Variants in THBS4 observed in about 807,000 individuals in gnomAD.
THBS4 encodes the protein thrombospondin-4.
THBS4 carries 90 observed loss-of-function variants against 115.7 expected under a neutral mutation model. The observed-to-expected ratio is 0.78, with a 90% CI of 0.66 to 0.93. THBS4 has a LOEUF of 0.93. Among genes scored for constraint, THBS4 ranks in the 40% least tolerant of loss-of-function variants. THBS4 has a pLI of 0.00. For missense variants in THBS4, 1,087 were observed against 1,232.7 expected (o/e 0.88, Z 1.77); for synonymous variants, 460 against 479.3 (o/e 0.96, Z 0.53).
intron 2 of THBS4, among the ~76,000 whole-genome samples, chr5:80,003,698 C>T (rs557534614): frequency 6.6e-6 from 1 of 152,368 alleles, no homozygotes; most frequent in South Asian, 2.1e-4. Flanking sequence ...AACTACTCCC[C>T]TTTGGGGACA....
chr5:80,007,676 T>C (rs907278167), intron 2 of THBS4, among the ~76,000 whole-genome samples: 66 of 152,326 alleles, frequency 4.3e-4, no homozygotes, highest in African/African-American at 1.5e-3. Context: ...TGAATAGAAC[T>C]GTAGCCCAGA....
At chr5:80,010,496 T>C (rs1320286751) in intron 2 of THBS4, among the ~76,000 whole-genome samples, 1 of 152,192 alleles carries the variant, frequency 6.6e-6, no homozygotes, top group Non-Finnish European at 1.5e-5. Flanking sequence ...CTCATCCACA[T>C]GGTCAAAGCT....
At chr5:79,998,836 A>G (rs950056246) in intron 2 of THBS4, among the ~76,000 whole-genome samples, 2 of 152,246 alleles carry the variant, frequency 1.3e-5, no homozygotes, top group Non-Finnish European at 2.9e-5. Context: ...ATCTGCCTTC[A>G]TGGAACTTTG....
intron 2 of THBS4, among the ~76,000 whole-genome samples, chr5:80,000,999 T>A (rs1831887262): frequency 6.6e-6 from 1 of 152,300 alleles, no homozygotes; most frequent in East Asian, 1.9e-4. Context: ...TTAGATTTAT[T>A]CTTCGAGATA....
At chr5:80,023,484 T>C (rs538869593) in intron 2 of THBS4, among the ~76,000 whole-genome samples, 33 of 152,276 alleles carry the variant, frequency 2.2e-4, no homozygotes, top group African/African-American at 7.5e-4. Flanking sequence ...CCTAACAGAG[T>C]ATGCTCTACT....
intron 2 of THBS4, among the ~76,000 whole-genome samples, chr5:80,026,496 C>T (rs1417575883): frequency 6.6e-6 from 1 of 152,206 alleles, no homozygotes; most frequent in Non-Finnish European, 1.5e-5. Flanking sequence ...GTAACCTTTT[C>T]TGTAAAGGAC....
At chr5:80,029,191 C>T (rs1832538263) in intron 2 of THBS4, among the ~76,000 whole-genome samples, 1 of 152,124 alleles carries the variant, frequency 6.6e-6, no homozygotes, top group South Asian at 2.1e-4. Context: ...GTGTATTTTG[C>T]AAGTTTGTTT....
At chr5:80,042,947 T>G (rs1233060712) in intron 2 of THBS4, among the ~76,000 whole-genome samples, 1 of 151,930 alleles carries the variant, frequency 6.6e-6, no homozygotes, top group Non-Finnish European at 1.5e-5. Context: ...CACTTCAGCC[T>G]GGGTGACAGA....
Position 80,083,124 on chromosome 5 carries a change from G to C in THBS4, c.2869G>C (p.Asp957His), listed in dbSNP as rs146323134. The change falls in exon 22 of 22, where the codon GAC becomes CAC. Residue 957 changes from aspartate to histidine, a missense_variant. This residue lies in a region of THBS4 where 103 missense variants were observed against 108.2 expected (regional missense o/e 0.95). Coordinates refer to ENST00000350881, the MANE Select transcript of THBS4 (RefSeq NM_003248.6). ...DFQEFQTQNFDRFDN is the reference protein window; with the variant it reads ...DFQEFQTQNFHRFDN ...CCAAGAGTTTCAAACCCAGAATTTC[G>C]ACCGCTTCGATAATTAAACCAAGGA... 49 of 1,613,662 alleles carry C rather than the reference G, an allele frequency of 3.0e-5. No homozygotes were observed. The highest frequency in any genetic ancestry group is 3.6e-5 in the Non-Finnish European group (43 of 1,179,724).
In THBS4 at chr5:80,071,105, G is replaced by A; in HGVS notation, c.1645G>A (p.Val549Ile). Residue 549 changes from valine to isoleucine, a missense_variant, in exon 13 of 22, where the codon GTC becomes ATC. By Grantham distance (29) the Val-to-Ile change is conservative (BLOSUM62 3). This residue lies in a region of THBS4 where 979 missense variants were observed against 1,103.7 expected (regional missense o/e 0.89). Coordinates refer to ENST00000350881, the MANE Select transcript of THBS4 (RefSeq NM_003248.6). ...FGDACDNCLS[V>I]LNNDQKDTDG... ...GGATGCCTGTGATAACTGCCTGAGT[G>A]TCTTAAATAACGACCAGAAAGACAC... 1 of 1,610,944 alleles carries A rather than the reference G, an allele frequency of 6.2e-7. No individual in the cohort carries two copies. The highest frequency in any genetic ancestry group is 1.1e-5 in the South Asian group (1 of 90,080).
At chr5:80,078,547 C>A (rs1490743038) in intron 17 of THBS4, among the ~76,000 whole-genome samples, 3 of 152,170 alleles carry the variant, frequency 2.0e-5, no homozygotes, top group African/African-American at 4.8e-5. Context: ...CTGCCTTCTG[C>A]ATATCCTCCT....
chr5:80,023,814 T>C (rs991903340), intron 2 of THBS4, among the ~76,000 whole-genome samples: 5 of 152,118 alleles, frequency 3.3e-5, no homozygotes, highest in Non-Finnish European at 1.5e-5. Flanking sequence ...AGAGATCACA[T>C]GGTGGGAGGG....
At chr5:80,050,503 G>A (rs1833220861) in intron 2 of THBS4, among the ~76,000 whole-genome samples, 1 of 152,152 alleles carries the variant, frequency 6.6e-6, no homozygotes. Context: ...CCAGTGCAGG[G>A]TCTGCAAAAT....
At chr5:80,055,644 TCTCA>T (rs1833398266) in intron 2 of THBS4, 137 bp from the exon 3 acceptor site, 1 of 1,202,712 alleles carries the variant, frequency 8.3e-7, no homozygotes, top group Admixed American at 2.3e-5. Flanking sequence ...TGTGGTTATT[TCTCA>T]CTCACATTCC....
chr5:80,079,807 T>C (rs1344461297), intron 19 of THBS4, 98 bp from the exon 20 acceptor site: 6 of 1,314,758 alleles, frequency 4.6e-6, no homozygotes, highest in Non-Finnish European at 6.4e-6. Flanking sequence ...AGCCGGATTA[T>C]AACCATGACT....
At chr5:80,061,584 T>C (rs1833636236) in intron 7 of THBS4, 111 bp from the exon 8 acceptor site, 2 of 1,371,844 alleles carry the variant, frequency 1.5e-6, no homozygotes, top group Non-Finnish European at 9.8e-7. Flanking sequence ...TTTATTATTT[T>C]TTCCACCAAA....
chr5:79,991,929 C>G (rs1243115900), intron 1 of THBS4, among the ~76,000 whole-genome samples: 6 of 152,172 alleles, frequency 3.9e-5, no homozygotes, highest in Admixed American at 3.9e-4. Context: ...TAGCTACAGA[C>G]CTTTTGCCTT....
intron 7 of THBS4, among the ~76,000 whole-genome samples, chr5:80,060,407 T>C (rs1466895847): frequency 6.6e-6 from 1 of 152,078 alleles, no homozygotes; most frequent in Non-Finnish European, 1.5e-5. Context: ...AGGAGGCACA[T>C]CCAGCAAATA....
intron 21 of THBS4, among the ~76,000 whole-genome samples, 169 bp downstream of exon 21, chr5:80,082,714 C>CTAT (rs1376100622): frequency 1.3e-5 from 2 of 152,212 alleles, no homozygotes; most frequent in African/African-American, 2.4e-5. Context: ...CACATTTATC[C>CTAT]TATTTTATCC....
Sources: gnomAD v4.1 joint callset for allele counts (sites outside exome capture counted in the v4.1 genomes callset) on GRCh38, gnomAD v4.1.1 for gene constraint, gnomAD v4.1.1 regional missense constraint, MANE v1.5 for transcripts, NCBI Gene and HGNC (gene_info 2026-07-23, HGNC 2026-07-21) for gene names.